RBFOX1: variants seen among roughly 807,000 people sequenced by gnomAD.
RBFOX1 encodes RNA binding fox-1 homolog 1, also known as RNA binding protein fox-1 homolog 1.
In RBFOX1, 8 loss-of-function variants were observed where a neutral mutation model predicts 57.7. The observed-to-expected ratio is 0.14, with a 90% CI of 0.08 to 0.25. RBFOX1 has a LOEUF of 0.25. RBFOX1 is among the 10% of genes least tolerant of loss of function. The pLI is 1.00. For missense variants in RBFOX1, 611 were observed against 548.5 expected, an observed-to-expected ratio of 1.11 and a Z score of -1.14; for synonymous variants, 326 against 222.4, an observed-to-expected ratio of 1.47 and a Z score of -4.15.
intron 4 of RBFOX1, among the ~76,000 whole-genome samples, chr16:7,293,671 T>G (rs1244527506): frequency 2.0e-5 from 3 of 152,172 alleles, no homozygotes; most frequent in African/African-American, 7.2e-5. Context: ...TCCTAGAGAT[T>G]GTCTGTTTGC....
intron 4 of RBFOX1, among the ~76,000 whole-genome samples, chr16:7,075,740 T>C (rs2058172144): frequency 1.3e-5 from 2 of 151,898 alleles, no homozygotes; most frequent in Non-Finnish European, 2.9e-5. Context: ...GCCACCACGC[T>C]CGGCTAATTT....
chr16:5,276,082 CT>C (rs2063133833), intron 1 of RBFOX1, among the ~76,000 whole-genome samples: 3 of 152,180 alleles, frequency 2.0e-5, no homozygotes, highest in Admixed American at 2.0e-4. Context: ...CATAAAAATT[CT>C]TGAAGATAAC....
At chr16:6,793,483 G>A (rs537729045) in intron 3 of RBFOX1, among the ~76,000 whole-genome samples, 1 of 152,200 alleles carries the variant, frequency 6.6e-6, no homozygotes, top group East Asian at 1.9e-4. Context: ...GACATTGTTG[G>A]TATTCCTGAG....
chr16:5,425,673 A>C (rs1228320398), intron 1 of RBFOX1, among the ~76,000 whole-genome samples: 1 of 152,192 alleles, frequency 6.6e-6, no homozygotes, highest in African/African-American at 2.4e-5. Context: ...TTTGTGGAGA[A>C]GAAGGGGTGG....
intron 1 of RBFOX1, among the ~76,000 whole-genome samples, chr16:5,424,954 T>C: frequency 1.0e-5 from 1 of 99,726 alleles, no homozygotes; most frequent in Non-Finnish European, 2.0e-5. Context: ...CTTTCTTCCT[T>C]TGTTTCTTTC....
intron 1 of RBFOX1, among the ~76,000 whole-genome samples, chr16:6,068,068 C>T (rs556259316): frequency 4.0e-5 from 6 of 150,280 alleles, no homozygotes; most frequent in African/African-American, 9.8e-5. Flanking sequence ...TAATTGCCTG[C>T]AATCTTTTTG....
chr16:6,218,913 T>C (rs538448941), intron 1 of RBFOX1, among the ~76,000 whole-genome samples: 1 of 151,524 alleles, frequency 6.6e-6, no homozygotes, highest in African/African-American at 2.4e-5. Context: ...TCTTAAGTGC[T>C]GCATGCAAGT....
At chr16:5,840,259 C>T (rs1205137540) in intron 3 of RBFOX1, among the ~76,000 whole-genome samples, 1 of 152,178 alleles carries the variant, frequency 6.6e-6, no homozygotes, top group Admixed American at 6.5e-5. Flanking sequence ...CCCCTATGTC[C>T]TGACAGCGCT....
chr16:7,209,110 C>A (rs1025868858), intron 4 of RBFOX1, among the ~76,000 whole-genome samples: 5 of 151,130 alleles, frequency 3.3e-5, no homozygotes, highest in African/African-American at 1.2e-4. Flanking sequence ...GCCTGGCCAA[C>A]GTGGTGAAAC....
chr16:5,558,631 ATAGT>A (rs1285454244), intron 2 of RBFOX1, among the ~76,000 whole-genome samples: 2 of 152,100 alleles, frequency 1.3e-5, no homozygotes, highest in Non-Finnish European at 2.9e-5. Context: ...GCCACTGAGA[ATAGT>A]TTCAGTCTTG....
chr16:7,054,633 T>C (rs2051473039), intron 4 of RBFOX1, among the ~76,000 whole-genome samples: 2 of 151,700 alleles, frequency 1.3e-5, no homozygotes, highest in African/African-American at 2.4e-5. Flanking sequence ...TTTTCCTCAA[T>C]CTCATTTTGC....
At chr16:6,500,345 C>T (rs983382922) in intron 2 of RBFOX1, among the ~76,000 whole-genome samples, 16 of 152,148 alleles carry the variant, frequency 1.1e-4, no homozygotes, top group Non-Finnish European at 2.1e-4. Context: ...GACATGGATG[C>T]ACGTGTGCAC....
intron 3 of RBFOX1, among the ~76,000 whole-genome samples, chr16:6,966,901 A>G (rs8045181): frequency 0.053 from 2,857 of 54,346 alleles, 47 homozygotes; most frequent in Non-Finnish European, 0.11. Context: ...CTCTCCATCC[A>G]TCCATCCATC....
At chr16:6,483,657 C>A in intron 2 of RBFOX1, 4 of 1,366,824 alleles carry the variant, frequency 2.9e-6, no homozygotes, top group East Asian at 3.0e-5. Context: ...TCCTGAAGCC[C>A]ACTGACTCCG....
At chr16:6,513,734 C>CAAAA (rs1265455809) in intron 2 of RBFOX1, among the ~76,000 whole-genome samples, 1 of 150,724 alleles carries the variant, frequency 6.6e-6, no homozygotes, top group Non-Finnish European at 1.5e-5. Flanking sequence ...GACTTCGTCT[C>CAAAA]AAAAACAAAC....
At chr16:5,283,263 A>G (rs555547017) in intron 1 of RBFOX1, among the ~76,000 whole-genome samples, 14 of 152,252 alleles carry the variant, frequency 9.2e-5, no homozygotes, top group African/African-American at 3.4e-4. Flanking sequence ...CTCATGGAGA[A>G]CCTCTACTAG....
Position 7,631,165 on chromosome 16 carries a change from TGAG to T in RBFOX1, c.757+504_757+506del, listed in dbSNP as rs3837772. Among the ~76,000 whole-genome samples the T allele has an allele frequency of 2.7e-4, 41 of 150,170 alleles. 1 individual carries two copies. Among genetic ancestry groups the T allele is most frequent in the East Asian group, 8.0e-4 (4 of 5,006 alleles). On this transcript the variant is annotated intron_variant, in intron 11 of 15. Transcript: ENST00000550418. ...TCTGTCCTTTGCTATGTAATTCCAA[TGAG>T]GAGGAGGAGGAGGAGGAGGAGCAGA...
At chr16:7,349,241 C>G (rs2145836375) in intron 4 of RBFOX1, among the ~76,000 whole-genome samples, 1 of 152,292 alleles carries the variant, frequency 6.6e-6, no homozygotes, top group South Asian at 2.1e-4. Flanking sequence ...TGGCAGCCTT[C>G]TATCACAAGT....
At chr16:6,509,842 A>AT (rs2096211922) in intron 2 of RBFOX1, among the ~76,000 whole-genome samples, 1 of 152,242 alleles carries the variant, frequency 6.6e-6, no homozygotes, top group Non-Finnish European at 1.5e-5. Context: ...CATGAAAAAT[A>AT]TAAAATTTTC....
Sources: gnomAD v4.1 joint callset for allele counts (sites outside exome capture counted in the v4.1 genomes callset) on GRCh38, gnomAD v4.1.1 for gene constraint, MANE v1.5 for transcripts, NCBI Gene and HGNC (gene_info 2026-07-23, HGNC 2026-07-21) for gene names.